RIMS2: variants seen among roughly 807,000 people sequenced by gnomAD.
The protein encoded by RIMS2 is regulating synaptic membrane exocytosis protein 2.
A neutral mutation model predicts 174.4 loss-of-function variants in RIMS2; 59 were observed. The observed-to-expected ratio is 0.34, with a 90% CI of 0.27 to 0.42. RIMS2 has a LOEUF of 0.42. Ranked by LOEUF, RIMS2 falls within the 10% of genes least tolerant of loss-of-function variation. The pLI, the probability that RIMS2 is intolerant of heterozygous loss-of-function variation, is 1.00. For missense variants in RIMS2, 1,620 were observed against 1,666.3 expected, an observed-to-expected ratio of 0.97 and a Z score of 0.48; for synonymous variants, 606 against 572.5, an observed-to-expected ratio of 1.06 and a Z score of -0.84.
At chr8:103,942,992 TA>T in intron 14 of RIMS2, 66 bp downstream of exon 16, 3 of 1,197,110 alleles carry the variant, frequency 2.5e-6, no homozygotes, top group Non-Finnish European at 3.6e-6. Context: ...ATGTATGTGA[TA>T]AAGAACTTGA....
intron 14 of RIMS2, among the ~76,000 whole-genome samples, chr8:103,956,214 T>C (rs2087152971): frequency 6.6e-6 from 1 of 152,204 alleles, no homozygotes; most frequent in Non-Finnish European, 1.5e-5. Context: ...CCAATCAAGC[T>C]ACCATTGACT....
chr8:104,048,446 G>A (rs966190882), intron 19 of RIMS2, among the ~76,000 whole-genome samples: 9 of 152,092 alleles, frequency 5.9e-5, no homozygotes, highest in African/African-American at 2.2e-4. Flanking sequence ...AAAAAACCAT[G>A]GTAAGAGTGT....
rs542819469 is a variant in RIMS2 at position 103,968,858 on chromosome 8, T to TA, written c.2771-6483dup. Among the ~76,000 whole-genome samples, 4 of 151,514 alleles carry TA rather than the reference T, an allele frequency of 2.6e-5. No homozygotes were observed. In the East Asian group the frequency reaches 5.8e-4, roughly 22 times the overall value. On this transcript the variant is annotated intron_variant, in intron 15 of 23. Transcript: ENST00000504942. ...TGACCTATATCTTTTTCATTCTTTCTAAAAAAAAATTACTTTAATATTTCT... is the reference window on the plus strand; with the variant it reads ...TGACCTATATCTTTTTCATTCTTTCTAAAAAAAAAATTACTTTAATATTTCT...
At chr8:103,685,698 T>C (rs1004553756) in intron 1 of RIMS2, among the ~76,000 whole-genome samples, 1 of 152,234 alleles carries the variant, frequency 6.6e-6, no homozygotes, top group Non-Finnish European at 1.5e-5. Context: ...TCTTTATCCT[T>C]TGTCAGTACC....
intron 3 of RIMS2, among the ~76,000 whole-genome samples, chr8:103,797,217 TGA>T (rs2098555968): frequency 6.6e-6 from 1 of 152,152 alleles, no homozygotes; most frequent in Admixed American, 6.6e-5. Flanking sequence ...CCTAGTTACT[TGA>T]GCCCTTCCTG....
chr8:104,056,563 A>G (rs977532035), intron 19 of RIMS2, among the ~76,000 whole-genome samples: 9 of 152,158 alleles, frequency 5.9e-5, no homozygotes, highest in Non-Finnish European at 8.8e-5. Flanking sequence ...ATCTCTTTGT[A>G]TCTTTTCAAC....
At chr8:103,886,276 T>G (rs2099200625) in intron 4 of RIMS2, 53 bp downstream of exon 7, 5 of 1,452,982 alleles carry the variant, frequency 3.4e-6, no homozygotes, top group Non-Finnish European at 4.6e-6. Context: ...AGCGTTTTTT[T>G]TAATAGATTG....
chr8:104,180,980 G>A (rs1429502075), intron 19 of RIMS2, among the ~76,000 whole-genome samples: 3 of 151,744 alleles, frequency 2.0e-5, no homozygotes, highest in Non-Finnish European at 4.4e-5. Flanking sequence ...AGAGTTTCCC[G>A]AAGTGTATCC....
At chr8:104,195,719 T>C (rs1183749013) in intron 19 of RIMS2, among the ~76,000 whole-genome samples, 5 of 152,054 alleles carry the variant, frequency 3.3e-5, no homozygotes, top group African/African-American at 1.2e-4. Context: ...TTCACTGTAT[T>C]GCCCAGGATG....
chr8:104,015,355 C>A, intron 19 of RIMS2: 1 of 643,876 alleles, frequency 1.6e-6, no homozygotes. Context: ...TTTTTAACCC[C>A]TGTGCTTTGG....
intron 1 of RIMS2, among the ~76,000 whole-genome samples, chr8:103,530,257 G>C (rs751760687): frequency 6.6e-6 from 1 of 152,204 alleles, no homozygotes; most frequent in Non-Finnish European, 1.5e-5. Context: ...TAAAATGTTA[G>C]TAGCATAATG....
At chr8:104,195,626 C>T (rs527763442) in intron 19 of RIMS2, among the ~76,000 whole-genome samples, 9 of 151,676 alleles carry the variant, frequency 5.9e-5, no homozygotes, top group Non-Finnish European at 1.0e-4. Context: ...GCAATTCTCC[C>T]GCCTCAGCCT....
intron 19 of RIMS2, among the ~76,000 whole-genome samples, chr8:104,015,228 T>G (rs548195455): frequency 6.6e-6 from 1 of 152,346 alleles, no homozygotes; most frequent in South Asian, 2.1e-4. Flanking sequence ...AGATCATTTT[T>G]TAAATGATCC....
At chr8:103,946,100 C>CA (rs753995474) in intron 14 of RIMS2, among the ~76,000 whole-genome samples, 3 of 152,116 alleles carry the variant, frequency 2.0e-5, no homozygotes, top group Non-Finnish European at 4.4e-5. Flanking sequence ...AGAACCCACA[C>CA]AAAAACTACT....
intron 1 of RIMS2, among the ~76,000 whole-genome samples, chr8:103,520,972 A>G (rs1332275993): frequency 1.3e-5 from 2 of 152,088 alleles, no homozygotes; most frequent in Non-Finnish European, 2.9e-5. Flanking sequence ...GATGGTTTCC[A>G]GTTTCATCCA....
At chr8:104,030,343 C>A (rs954849331) in intron 19 of RIMS2, among the ~76,000 whole-genome samples, 3 of 151,930 alleles carry the variant, frequency 2.0e-5, no homozygotes, top group Non-Finnish European at 2.9e-5. Flanking sequence ...AAATAAAAAT[C>A]AAATATATAT....
chr8:104,015,227 T>C (rs1232703382), intron 19 of RIMS2, among the ~76,000 whole-genome samples: 1 of 152,226 alleles, frequency 6.6e-6, no homozygotes, highest in East Asian at 1.9e-4. Context: ...AAGATCATTT[T>C]TTAAATGATC....
intron 3 of RIMS2, among the ~76,000 whole-genome samples, chr8:103,805,041 GC>G (rs1400321699): frequency 2.6e-5 from 4 of 151,954 alleles, no homozygotes; most frequent in Non-Finnish European, 5.9e-5. Flanking sequence ...CAATCTTCCT[GC>G]CTTGGCCTCT....
At chr8:103,732,494 G>A (rs1351601292) in intron 2 of RIMS2, among the ~76,000 whole-genome samples, 1 of 152,170 alleles carries the variant, frequency 6.6e-6, no homozygotes, top group African/African-American at 2.4e-5. Flanking sequence ...CAATCAGCAG[G>A]TGATTAAAGC....
Sources: allele counts gnomAD v4.1 joint callset (sites outside exome capture counted in the v4.1 genomes callset), GRCh38; gene constraint gnomAD v4.1.1; transcripts MANE v1.5; gene names NCBI Gene and HGNC (gene_info 2026-07-23, HGNC 2026-07-21).